MAP3K15: variants seen among roughly 807,000 people sequenced by gnomAD.
The protein encoded by MAP3K15 is MAPK/ERK kinase kinase 15.
Under a neutral mutation model 99.5 loss-of-function variants are expected in MAP3K15, and 124 were observed. The observed-to-expected ratio is 1.25, with a 90% CI of 1.08 to 1.45. MAP3K15 has a LOEUF of 1.45. Ranked by LOEUF, MAP3K15 falls within the 40% of genes most tolerant of loss-of-function variation. The probability of loss-of-function intolerance (pLI) is 0.00; values close to 1 mark genes in which losing one functional copy is unlikely to be tolerated. For synonymous variants in MAP3K15, 494 were observed against 439.6 expected, an observed-to-expected ratio of 1.12 and a Z score of -1.55; for missense variants, 1,242 against 1,079.7, an observed-to-expected ratio of 1.15 and a Z score of -2.11.
chrX:19,507,783 C>A (rs923453599), intron 1 of MAP3K15, among the ~76,000 whole-genome samples: 1 of 109,316 alleles, frequency 9.1e-6, no homozygotes, highest in Non-Finnish European at 1.9e-5. Flanking sequence ...ACACTCTGCA[C>A]TTTTCTTCTC....
At chrX:19,459,409 C>T (rs1171850198) in intron 5 of MAP3K15, among the ~76,000 whole-genome samples, 5 of 112,506 alleles carry the variant, frequency 4.4e-5, no homozygotes, top group Non-Finnish European at 9.4e-5. Context: ...ATTCTTGGCT[C>T]CTTCTGCCAA....
chrX:19,392,754 C>A (rs141089451), intron 16 of MAP3K15, among the ~76,000 whole-genome samples: 1,567 of 111,518 alleles, frequency 0.014, 24 homozygotes, highest in African/African-American at 0.047. Context: ...CTCTGTTCAG[C>A]TACATGAAGT....
chrX:19,431,704 G>T, intron 6 of MAP3K15, 96 bp from the exon 7 acceptor site: 1 of 753,869 alleles, frequency 1.3e-6, no homozygotes, highest in South Asian at 3.0e-5. Flanking sequence ...CCAGCACTTT[G>T]GGAGGCCGAA....
intron 1 of MAP3K15, among the ~76,000 whole-genome samples, chrX:19,489,739 G>A (rs2064354516): frequency 1.8e-5 from 2 of 110,917 alleles, no homozygotes; most frequent in Non-Finnish European, 1.9e-5. Context: ...CCATAATTAT[G>A]AGAAATAAAT....
At chrX:19,513,082 C>G (rs922630981) in intron 1 of MAP3K15, among the ~76,000 whole-genome samples, 4 of 111,603 alleles carry the variant, frequency 3.6e-5, no homozygotes, top group Non-Finnish European at 1.9e-5. Context: ...TACTCAAGAC[C>G]AGGACAAGGT....
At chrX:19,438,914 G>C (rs1439454785) in intron 6 of MAP3K15, among the ~76,000 whole-genome samples, 1 of 112,229 alleles carries the variant, frequency 8.9e-6, no homozygotes, top group African/African-American at 3.2e-5. Flanking sequence ...AAATCACACT[G>C]AGTCCGGGCA....
At chrX:19,461,968 G>A (rs1355539991) in intron 4 of MAP3K15, among the ~76,000 whole-genome samples, 1 of 108,874 alleles carries the variant, frequency 9.2e-6, no homozygotes, top group African/African-American at 3.4e-5. Context: ...TCCAGCCTGG[G>A]CGACAGAGTG....
intron 18 of MAP3K15, 151 bp from the exon 19 acceptor site, chrX:19,380,428 TCAAAA>T: frequency 1.8e-6 from 1 of 544,994 alleles, no homozygotes; most frequent in African/African-American, 2.4e-5. Flanking sequence ...AGACCTTGTC[TCAAAA>T]ACAAAACAAA....
At chrX:19,369,395 G>A (rs1192450165) in intron 24 of MAP3K15, among the ~76,000 whole-genome samples, 176 bp from the exon 25 acceptor site, 1 of 111,787 alleles carries the variant, frequency 8.9e-6, no homozygotes, top group East Asian at 2.8e-4. Flanking sequence ...TTGGTTCTCT[G>A]CAGCGTAAAG....
At chrX:19,374,953 C>T (rs949533983) in intron 19 of MAP3K15, among the ~76,000 whole-genome samples, 5 of 111,135 alleles carry the variant, frequency 4.5e-5, no homozygotes, top group Admixed American at 9.6e-5. Context: ...CTTAAAGCCC[C>T]GAGACCACCA....
In MAP3K15 at chrX:19,392,111, C is replaced by T; in HGVS notation, c.2326-4G>A. 2 of 1,188,628 alleles carry T rather than the reference C, an allele frequency of 1.7e-6. No individual in the cohort carries two copies. The highest frequency in any genetic ancestry group is 2.3e-6 in the Non-Finnish European group (2 of 875,335). On this transcript the variant is annotated splice_region_variant and splice_polypyrimidine_tract_variant and intron_variant, in intron 17 of 28. Transcript: ENST00000338883. ...TGTTCACCAGAACATTATCGCCCTT[C>T]GGAAAATAACATCATCAAGTGCTTA...
At chrX:19,458,570 C>T (rs1409620244) in intron 5 of MAP3K15, among the ~76,000 whole-genome samples, 1 of 111,724 alleles carries the variant, frequency 9.0e-6, no homozygotes, top group Non-Finnish European at 1.9e-5. Flanking sequence ...ATTCCAGCTA[C>T]TGGGAAGGCT....
intron 4 of MAP3K15, among the ~76,000 whole-genome samples, chrX:19,462,209 C>T (rs1313465368): frequency 9.0e-6 from 1 of 111,707 alleles, no homozygotes; most frequent in African/African-American, 3.3e-5. Flanking sequence ...AATATGTGTA[C>T]ATACAGTACA....
chrX:19,480,831 A>C (rs758636229), intron 3 of MAP3K15, among the ~76,000 whole-genome samples: 1 of 104,452 alleles, frequency 9.6e-6, no homozygotes, highest in Admixed American at 1.0e-4. Context: ...AAAAAAAAAA[A>C]GGGCTGGGTA....
chrX:19,464,214 A>G lies in MAP3K15; in HGVS notation c.718T>C (p.Cys240Arg). 8.4e-7 allele frequency: 1 copy of G among 1,192,407 alleles called. No individual in the cohort carries two copies. The highest frequency in any genetic ancestry group is 1.1e-6 in the Non-Finnish European group (1 of 889,481). Residue 240 changes from cysteine (C) to arginine (R), a missense_variant and splice_region_variant, in exon 4 of 29, where the codon TGT (cysteine) becomes CGT (arginine). Cys to Arg is a radical substitution (Grantham distance 180). Coordinates refer to ENST00000338883, the MANE Select transcript of MAP3K15 (RefSeq NM_001001671.4). The stretch of plus-strand genomic sequence containing the variant: ...TTACTGGTGGCAGATGGGAATTACC[A>G]TGAGGTCACGTGGATGTCCTTAAGG... ...SLLKDIHVTS[C>R]VYYKETLLND...
intron 6 of MAP3K15, among the ~76,000 whole-genome samples, chrX:19,434,603 G>A (rs559656719): frequency 9.0e-6 from 1 of 111,262 alleles, no homozygotes; most frequent in African/African-American, 3.3e-5. Flanking sequence ...CATCATCCCA[G>A]ATGTCAAATT....
At position 19,373,520 on chromosome X, in the gene MAP3K15, C is replaced by G. The variant is rs1004704613; in HGVS notation, c.2933+16G>C. Reference sequence around the variant, plus strand: ...CCCTTTCGGGCCCGCGGCAGACAGACAGAATACGGGTGTACCTGAGGAGGT... The same window carrying G: ...CCCTTTCGGGCCCGCGGCAGACAGAGAGAATACGGGTGTACCTGAGGAGGT... On this transcript the variant is annotated intron_variant, in intron 21 of 28. Transcript: ENST00000338883. 2 of 1,163,883 alleles carry G rather than the reference C, an allele frequency of 1.7e-6. No homozygotes were observed. The highest frequency in any genetic ancestry group is 2.3e-6 in the Non-Finnish European group (2 of 871,102).
At chrX:19,465,019 G>A (rs2064156639) in intron 3 of MAP3K15, among the ~76,000 whole-genome samples, 1 of 110,189 alleles carries the variant, frequency 9.1e-6, no homozygotes, top group Non-Finnish European at 1.9e-5. Flanking sequence ...AGCCTCCCTA[G>A]TAGCTGGGAC....
At chrX:19,361,049 G>C (rs1363777790) in intron 28 of MAP3K15, 3 of 417,950 alleles carry the variant, frequency 7.2e-6, no homozygotes, top group Non-Finnish European at 8.2e-6. Context: ...AAGGCAGGCT[G>C]CAGTTTAAAG....
Sources: allele counts gnomAD v4.1 joint callset (sites outside exome capture counted in the v4.1 genomes callset), GRCh38; gene constraint gnomAD v4.1.1; transcripts MANE v1.5; gene names NCBI Gene and HGNC (gene_info 2026-07-23, HGNC 2026-07-21).